MACF1: variants seen among roughly 807,000 people sequenced by gnomAD.
MACF1 encodes the protein microtubule-actin cross-linking factor 1.
In MACF1, 193 loss-of-function variants were observed where a neutral mutation model predicts 854.8. That is an observed-to-expected ratio of 0.23 (90% CI 0.20 to 0.25). The LOEUF is 0.25. Ranked by LOEUF, MACF1 falls within the 10% of genes least tolerant of loss-of-function variation. MACF1 has a pLI of 1.00. For synonymous variants in MACF1, 3,185 were observed against 3,226.7 expected (o/e 0.99, Z 0.44); for missense variants, 7,722 against 8,929.1 (o/e 0.86, Z 5.45).
chr1:39,322,791 G>T, intron 32 of MACF1, 76 bp downstream of exon 32: 2 of 1,540,086 alleles, frequency 1.3e-6, no homozygotes, highest in South Asian at 2.2e-5. Context: ...CTTACATTTT[G>T]ATTTAGGGCT....
chr1:39,412,561 C>T, intron 58 of MACF1: 2 of 1,613,998 alleles, frequency 1.2e-6, no homozygotes, highest in African/African-American at 2.7e-5. Context: ...TCTGCACCTG[C>T]TGGTTGAAGA....
Position 39,125,456 on chromosome 1 carries a change from A to T in MACF1, c.220+41018A>T, listed in dbSNP as rs546511292. ...AAGATAATACGTATTAGCACCTAGCATATGTGAAACATGCAGTGGATACTC... is the reference window on the plus strand; with the variant it reads ...AAGATAATACGTATTAGCACCTAGCTTATGTGAAACATGCAGTGGATACTC... On this transcript the variant is annotated intron_variant, in intron 2 of 93. Coordinates refer to the MACF1 transcript ENST00000361689. 2.0e-5 allele frequency among the ~76,000 whole-genome samples: 3 copies of T among 152,340 alleles called. No homozygotes were observed. In the East Asian group the frequency reaches 5.8e-4, roughly 29 times the overall value.
chr1:39,091,518 A>C (rs534339465), intron 2 of MACF1, among the ~76,000 whole-genome samples: 13 of 151,868 alleles, frequency 8.6e-5, no homozygotes, highest in Non-Finnish European at 1.8e-4. Flanking sequence ...TTTTTTTGAG[A>C]CAGAGTCTCG....
intron 97 of MACF1, among the ~76,000 whole-genome samples, chr1:39,472,937 G>C (rs1644804786): frequency 6.6e-6 from 1 of 152,204 alleles, no homozygotes; most frequent in Non-Finnish European, 1.5e-5. Flanking sequence ...TACAGTCTCA[G>C]ATTGCCTTAA....
At position 39,359,132 on chromosome 1, in the gene MACF1, G is replaced by A; in HGVS notation, c.12121-9G>A. The stretch of plus-strand genomic sequence containing the variant: ...ATGTTTTTCTTTTGTTTTTTTCATG[G>A]ACAAGCAGCAGTTGCAGGAGGAATT... On this transcript the variant is annotated splice_polypyrimidine_tract_variant and intron_variant, in intron 46 of 100. Transcript: ENST00000564288. 1 of 1,612,940 alleles carries A rather than the reference G, an allele frequency of 6.2e-7. No homozygotes were observed. Among genetic ancestry groups the A allele is most frequent in the Non-Finnish European group, 8.5e-7 (1 of 1,179,696 alleles).
In MACF1 at chr1:39,335,021, T is replaced by A. The variant is rs780154283; in HGVS notation, c.8433T>A (p.Ser2811Arg). 17 of 1,613,742 alleles carry A rather than the reference T, an allele frequency of 1.1e-5. No homozygotes were observed. The highest frequency in any genetic ancestry group is 1.7e-4 in the Middle Eastern group (1 of 6,060). Residue 2811 changes from serine (S) to arginine (R), a missense_variant, in exon 37 of 101, where the codon AGT becomes AGA. This residue lies in a region of MACF1 where 1,531 missense variants were observed against 1,601.6 expected (regional missense o/e 0.96). Transcript: ENST00000564288. ...TGAGTTGTAATAAAGTAGAAGAGAG[T>A]GAGAGATTATTTCAAGTTGAAAATC... ...AEMSCNKVEE[S>R]ERLFQVENQS...
intron 2 of MACF1, among the ~76,000 whole-genome samples, chr1:39,087,877 A>G (rs1025802498): frequency 2.0e-5 from 3 of 151,762 alleles, no homozygotes; most frequent in Middle Eastern, 3.2e-3. Context: ...GGTTCAAGCA[A>G]TTCTTCTGCC....
At chr1:39,258,732 A>G (rs1262488754) in intron 6 of MACF1, among the ~76,000 whole-genome samples, 1 of 152,236 alleles carries the variant, frequency 6.6e-6, no homozygotes, top group Admixed American at 6.5e-5. Flanking sequence ...GTTGCTGCAC[A>G]TGAGGCTGAT....
intron 2 of MACF1, among the ~76,000 whole-genome samples, chr1:39,133,443 T>C (rs1452390960): frequency 3.9e-5 from 6 of 152,192 alleles, no homozygotes; most frequent in Non-Finnish European, 7.3e-5. Flanking sequence ...GGGTTTAATT[T>C]TGTAACAGAC....
chr1:39,217,472 G>A (rs1571185488), intron 1 of MACF1, among the ~76,000 whole-genome samples: 2 of 151,498 alleles, frequency 1.3e-5, no homozygotes, highest in East Asian at 3.9e-4. Flanking sequence ...ATGGGGTTTC[G>A]CCATGTTGCC....
At chr1:39,160,980 C>T (rs987131376) in intron 2 of MACF1, among the ~76,000 whole-genome samples, 1 of 152,160 alleles carries the variant, frequency 6.6e-6, no homozygotes, top group African/African-American at 2.4e-5. Context: ...GACATTCCTC[C>T]ATCTAGTGGG....
At chr1:39,381,160 C>T (rs1022920523) in intron 55 of MACF1, among the ~76,000 whole-genome samples, 14 of 151,964 alleles carry the variant, frequency 9.2e-5, no homozygotes, top group Admixed American at 2.6e-4. Flanking sequence ...CAGGTTCAAG[C>T]GATTCTCCTG....
rs1642222051 is a variant in MACF1, at chr1:39,105,924, C to A, written c.220+21486C>A. ...GAAACCGCCCCCGGGGCAGTCGGCG[C>A]GCTCAGAGCGCCAGTTACATGATTT... On this transcript the variant is annotated intron_variant, in intron 2 of 93. Transcript: ENST00000361689. This position sits in a 1 kb window ranked among gnomAD's most constrained non-coding sequence, Gnocchi z 5.9. Among the ~76,000 whole-genome samples, 1 of 152,212 alleles carries A rather than the reference C, an allele frequency of 6.6e-6. No individual in the cohort carries two copies. Among genetic ancestry groups the A allele is most frequent in the African/African-American group, 2.4e-5 (1 of 41,462 alleles).
upstream of MACF1, among the ~76,000 whole-genome samples, chr1:39,200,057 C>T (rs1255197796): frequency 6.6e-6 from 1 of 152,210 alleles, no homozygotes; most frequent in Non-Finnish European, 1.5e-5. Context: ...GTTCTTGAAT[C>T]GCTCCAGTCA....
At chr1:39,324,156 C>CA in intron 33 of MACF1, 37 bp from the exon 34 acceptor site, 1 of 1,558,782 alleles carries the variant, frequency 6.4e-7, no homozygotes, top group Non-Finnish European at 8.7e-7. Flanking sequence ...TAATAAAAGA[C>CA]ATTGCTAGCA....
At chr1:39,262,652 A>G (rs1645177703) in intron 6 of MACF1, among the ~76,000 whole-genome samples, 1 of 152,190 alleles carries the variant, frequency 6.6e-6, no homozygotes, top group Non-Finnish European at 1.5e-5. Flanking sequence ...AGGGCTTTTG[A>G]CACAGCCCAC....
At chr1:39,276,128 C>T (rs1046875381) in intron 6 of MACF1, among the ~76,000 whole-genome samples, 6 of 152,078 alleles carry the variant, frequency 3.9e-5, no homozygotes, top group African/African-American at 1.4e-4. Flanking sequence ...CAGTGTTTCC[C>T]AGGCTCGTCT....
At chr1:39,339,759 G>A (rs753870586) in intron 38 of MACF1, among the ~76,000 whole-genome samples, 6 of 152,162 alleles carry the variant, frequency 3.9e-5, no homozygotes, top group Non-Finnish European at 7.4e-5. Flanking sequence ...CCCTAAAAAC[G>A]TAGAAAGACA....
At chr1:39,191,199 C>CTTTTTTT (rs10708375) in intron 2 of MACF1, among the ~76,000 whole-genome samples, 4 of 135,466 alleles carry the variant, frequency 3.0e-5, no homozygotes, top group Non-Finnish European at 3.2e-5. Flanking sequence ...TTCTTTCTTT[C>CTTTTTTT]TTTTTTTTTT....
Sources: allele counts gnomAD v4.1 joint callset (sites outside exome capture counted in the v4.1 genomes callset), GRCh38; gene constraint gnomAD v4.1.1; regional missense constraint gnomAD v4.1.1; non-coding constraint Gnocchi (gnomAD v3.1); transcripts MANE v1.5; gene names NCBI Gene and HGNC (gene_info 2026-07-23, HGNC 2026-07-21).